The following MALRD1 variants were observed in gnomAD, a reference collection of about 807,000 sequenced individuals.
MALRD1 encodes MAM and LDL receptor class A domain containing 1.
MALRD1 carries 247 observed loss-of-function variants against 242.1 expected under a neutral mutation model. The observed-to-expected ratio is 1.02, with a 90% confidence interval of 0.92 to 1.13. MALRD1 has a LOEUF of 1.13. Among genes scored for constraint, MALRD1 ranks in the 50% most tolerant of loss-of-function variants. The pLI is 0.00. For missense variants in MALRD1, 2,989 were observed against 2,533.1 expected (o/e 1.18, Z -3.86); for synonymous variants, 995 against 866.6 (o/e 1.15, Z -2.60).
At chr10:19,540,643 T>C (rs6481969) in intron 32 of MALRD1, among the ~76,000 whole-genome samples, 120,136 of 152,008 alleles carry the variant, frequency 0.79, 48,016 homozygotes, top group Non-Finnish European at 0.85. Context: ...TCATGAGATG[T>C]TACTATATAG....
intron 2 of MALRD1, among the ~76,000 whole-genome samples, chr10:19,068,925 A>C (rs1359429483): frequency 3.9e-5 from 6 of 152,130 alleles, no homozygotes; most frequent in African/African-American, 1.4e-4. Context: ...AGTAAAGCTC[A>C]GGGAAAGAAG....
chr10:19,602,865 C>A (rs2131580935), intron 34 of MALRD1, among the ~76,000 whole-genome samples: 1 of 152,168 alleles, frequency 6.6e-6, no homozygotes, highest in African/African-American at 2.4e-5. Context: ...CTGTTGTTTC[C>A]TGACTTTTTA....
chr10:19,420,180 G>T (rs543343000), intron 28 of MALRD1, among the ~76,000 whole-genome samples: 38 of 152,232 alleles, frequency 2.5e-4, no homozygotes, highest in Non-Finnish European at 4.4e-4. Context: ...GGGTTAGACT[G>T]AGCAGGCTAA....
At chr10:19,289,384 C>T (rs1841296692) in intron 21 of MALRD1, among the ~76,000 whole-genome samples, 1 of 152,116 alleles carries the variant, frequency 6.6e-6, no homozygotes, top group Non-Finnish European at 1.5e-5. Flanking sequence ...GCATAATAGG[C>T]CTCAATAATT....
intron 5 of MALRD1, among the ~76,000 whole-genome samples, chr10:19,104,776 A>G (rs76722188): frequency 0.013 from 1,990 of 152,222 alleles, 19 homozygotes; most frequent in Non-Finnish European, 0.016. Context: ...AGTTTGGTAC[A>G]AAGATATAGT....
chr10:19,441,693 CT>C (rs1834661415), intron 28 of MALRD1, among the ~76,000 whole-genome samples: 1 of 152,126 alleles, frequency 6.6e-6, no homozygotes, highest in African/African-American at 2.4e-5. Context: ...TGGTCTATAT[CT>C]GTTTTTTGGT....
chr10:19,477,806 GA>G, intron 29 of MALRD1, among the ~76,000 whole-genome samples: 1 of 152,266 alleles, frequency 6.6e-6, no homozygotes, highest in East Asian at 1.9e-4. Flanking sequence ...CATAGCACAT[GA>G]AGAAGCTGGT....
At chr10:19,631,201 G>A (rs1839882630) in intron 36 of MALRD1, among the ~76,000 whole-genome samples, 1 of 152,090 alleles carries the variant, frequency 6.6e-6, no homozygotes, top group Non-Finnish European at 1.5e-5. Flanking sequence ...GTGTCCATGT[G>A]TTCTCATCAT....
rs187207612 is a variant in MALRD1 at position 19,679,656 on chromosome 10, A to G, written c.6138-12626A>G. Among the ~76,000 whole-genome samples the G allele has an allele frequency of 8.4e-4, 128 of 151,882 alleles. 1 individual carries two copies. Among genetic ancestry groups the G allele is most frequent in the African/African-American group, 2.8e-3 (116 of 41,450 alleles). On this transcript the variant is annotated intron_variant, in intron 36 of 39. Transcript: ENST00000454679. Reference sequence around the variant, plus strand: ...GTTTTTCGTGCCTCTGTCTCCTTCAATTCCACCTTGATCTTGGTTATTTCT... The same window carrying G: ...GTTTTTCGTGCCTCTGTCTCCTTCAGTTCCACCTTGATCTTGGTTATTTCT...
intron 20 of MALRD1, 77 bp from the exon 21 acceptor site, chr10:19,282,942 G>C (rs879545424): frequency 2.0e-5 from 20 of 1,018,170 alleles, no homozygotes; most frequent in South Asian, 3.6e-5. Context: ...ACAAGAGTAA[G>C]AAAGTGCTGA....
At chr10:19,279,682 C>G (rs1840709821) in intron 19 of MALRD1, among the ~76,000 whole-genome samples, 1 of 152,152 alleles carries the variant, frequency 6.6e-6, no homozygotes, top group African/African-American at 2.4e-5. Flanking sequence ...GGTTATTTAC[C>G]TAGTAAATTA....
intron 33 of MALRD1, among the ~76,000 whole-genome samples, chr10:19,586,761 C>G (rs912155685): frequency 3.3e-5 from 5 of 152,230 alleles, no homozygotes; most frequent in African/African-American, 7.2e-5. Flanking sequence ...CACCCAGTTC[C>G]AGCTTCCTGG....
At chr10:19,466,648 T>C (rs1460009197) in intron 29 of MALRD1, among the ~76,000 whole-genome samples, 1 of 152,188 alleles carries the variant, frequency 6.6e-6, no homozygotes, top group Non-Finnish European at 1.5e-5. Context: ...CCTCTGTGCA[T>C]GTAGCTGTTG....
At chr10:19,323,003 G>T (rs1387053687) in intron 21 of MALRD1, among the ~76,000 whole-genome samples, 2 of 151,786 alleles carry the variant, frequency 1.3e-5, no homozygotes, top group African/African-American at 2.4e-5. Context: ...TGAATTAATT[G>T]TCCAAGTAGG....
At chr10:19,647,368 C>T (rs144044564) in intron 36 of MALRD1, among the ~76,000 whole-genome samples, 1 of 152,130 alleles carries the variant, frequency 6.6e-6, no homozygotes, top group East Asian at 1.9e-4. Flanking sequence ...TAGAGGGAAA[C>T]CAAGGTAGAG....
intron 31 of MALRD1, among the ~76,000 whole-genome samples, chr10:19,504,722 C>T (rs1219436761): frequency 2.3e-5 from 3 of 130,410 alleles, no homozygotes; most frequent in Non-Finnish European, 4.6e-5. Context: ...GTCGCCCAGG[C>T]CGGACTGCGG....
At chr10:19,134,422 G>A (rs1194982438) in intron 9 of MALRD1, among the ~76,000 whole-genome samples, 1 of 152,192 alleles carries the variant, frequency 6.6e-6, no homozygotes, top group Non-Finnish European at 1.5e-5. Flanking sequence ...TTGATATTTT[G>A]TGTTGTATTA....
chr10:19,232,947 G>C (rs972150901), intron 18 of MALRD1, among the ~76,000 whole-genome samples: 5 of 152,096 alleles, frequency 3.3e-5, no homozygotes, highest in African/African-American at 9.7e-5. Context: ...TCATCTTTAA[G>C]ATGTTTCTAA....
chr10:19,389,424 C>T (rs190733100), intron 27 of MALRD1, 28 bp from the exon 28 acceptor site: 25 of 1,545,798 alleles, frequency 1.6e-5, no homozygotes, highest in African/African-American at 4.1e-5. Flanking sequence ...TTATTTCGTT[C>T]TTCTCTGAAT....
Sources: gnomAD v4.1 joint callset for allele counts (sites outside exome capture counted in the v4.1 genomes callset) on GRCh38, gnomAD v4.1.1 for gene constraint, MANE v1.5 for transcripts, NCBI Gene and HGNC (gene_info 2026-07-23, HGNC 2026-07-21) for gene names.